NLRP2: variants seen among roughly 807,000 people sequenced by gnomAD.
NLRP2 encodes the protein NLR family pyrin domain containing 2, also known as NACHT, LRR and PYD domains-containing protein 2.
In NLRP2, 107 loss-of-function variants were observed where a neutral mutation model predicts 97.2. That is an observed-to-expected ratio of 1.10 (90% CI 0.94 to 1.29). NLRP2 has a LOEUF of 1.29. NLRP2 is among the 50% of genes most tolerant of loss of function. NLRP2 has a pLI of 0.00. For missense variants in NLRP2, 1,495 were observed against 1,330.3 expected, an observed-to-expected ratio of 1.12 and a Z score of -1.93; for synonymous variants, 663 against 551.5, an observed-to-expected ratio of 1.20 and a Z score of -2.83.
intron 3 of NLRP2, among the ~76,000 whole-genome samples, chr19:54,975,955 C>G (rs1474698829): frequency 2.6e-5 from 4 of 151,494 alleles, no homozygotes; most frequent in Non-Finnish European, 5.9e-5. Context: ...CACTATGTTG[C>G]CAGATATGGT....
chr19:54,967,970 G>A (rs1330315982), intron 1 of NLRP2, among the ~76,000 whole-genome samples: 2 of 146,686 alleles, frequency 1.4e-5, no homozygotes, highest in Non-Finnish European at 1.5e-5. Flanking sequence ...CCAGGCTGGA[G>A]TACAGTGGCG....
chr19:55,000,487 C>G (rs189211591), intron 12 of NLRP2, among the ~76,000 whole-genome samples: 2 of 150,610 alleles, frequency 1.3e-5, no homozygotes, highest in African/African-American at 4.9e-5. Flanking sequence ...ACCGTGTTAG[C>G]CAGGATGGTC....
chr19:54,986,734 G>A (rs2072116895), intron 8 of NLRP2, among the ~76,000 whole-genome samples: 1 of 151,830 alleles, frequency 6.6e-6, no homozygotes, highest in Non-Finnish European at 1.5e-5. Flanking sequence ...TGCATTTAGT[G>A]GAGCTGGTTT....
chr19:55,001,032 A>G lies in NLRP2; in HGVS notation c.*134A>G, dbSNP rs751635181. The stretch of plus-strand genomic sequence containing the variant: ...CATTGCTGGGCTAGATGTTTTAGCC[A>G]TGATTCTGCCTCTGTTTTATACCTG... On this transcript the variant is annotated 3_prime_UTR_variant, in exon 13 of 13. Coordinates refer to ENST00000448584, the MANE Select transcript of NLRP2 (RefSeq NM_017852.5). 2 of 772,398 alleles carry G rather than the reference A, an allele frequency of 2.6e-6. No individual in the cohort carries two copies. Among genetic ancestry groups the G allele is most frequent in the Non-Finnish European group, 4.4e-6 (2 of 451,278 alleles). 47.8% of individuals were successfully genotyped at this position (772,398 alleles called of 1,614,324 possible). A position where few individuals can be genotyped will look rare whatever the true frequency, so the allele number is the denominator to read the frequency against.
intron 2 of NLRP2, 80 bp downstream of exon 2, chr19:54,970,375 G>T (rs2070769449): frequency 1.3e-6 from 2 of 1,544,094 alleles, no homozygotes; most frequent in African/African-American, 2.7e-5. Context: ...AGAAGGCCAG[G>T]CGCGCTGGCT....
chr19:54,983,061 G>C lies in NLRP2; in HGVS notation c.1363G>C (p.Ala455Pro), dbSNP rs200762489. 1 of 1,611,980 alleles carries C rather than the reference G, an allele frequency of 6.2e-7. No individual in the cohort carries two copies. Among genetic ancestry groups the C allele is most frequent in the Non-Finnish European group, 8.5e-7 (1 of 1,179,576 alleles). ...GALRTLSLLA[A>P]QGLWAQTSVL... Reference sequence around the variant, plus strand: ...GCTGCGGACGCTGAGCCTCCTGGCCGCGCAGGGCCTGTGGGCGCAGACGTC... The same window carrying C: ...GCTGCGGACGCTGAGCCTCCTGGCCCCGCAGGGCCTGTGGGCGCAGACGTC... The change falls in exon 6 of 13, where the codon GCG becomes CCG. Residue 455 changes from alanine (A) to proline (P), a missense_variant. Coordinates refer to ENST00000448584, the MANE Select transcript of NLRP2 (RefSeq NM_017852.5).
intron 3 of NLRP2, chr19:54,976,869 C>T (rs1207745567): frequency 2.6e-6 from 1 of 390,902 alleles, no homozygotes; most frequent in Non-Finnish European, 4.8e-6. Flanking sequence ...GGCTGAAGTG[C>T]AGTGGAGCGA....
intron 6 of NLRP2, among the ~76,000 whole-genome samples, chr19:54,984,500 T>TTTTTTTTTTTTTTA (rs764786892): frequency 1.5e-5 from 2 of 132,852 alleles, no homozygotes; most frequent in South Asian, 2.3e-4. Context: ...TTTTTTTTTT[T>TTTTTTTTTTTTTTA]GAGACGGAGT....
chr19:54,973,196 A>ATT lies in NLRP2; in HGVS notation c.281-1304_281-1303insTT, dbSNP rs1210435415. On this transcript the variant is annotated intron_variant, in intron 2 of 12. Coordinates refer to ENST00000448584, the MANE Select transcript of NLRP2 (RefSeq NM_017852.5). ...ACAGCAAGACTCCATCTCAAAAAAA[A>ATT]AAAACAAACAAACATGGTATTAATT... 2.0e-5 allele frequency among the ~76,000 whole-genome samples: 3 copies of ATT among 151,812 alleles called. No homozygotes were observed. In the East Asian group the frequency reaches 5.8e-4, roughly 29 times the overall value.
chr19:54,971,648 C>T (rs534956743), intron 2 of NLRP2, among the ~76,000 whole-genome samples: 30 of 151,800 alleles, frequency 2.0e-4, no homozygotes, highest in African/African-American at 5.1e-4. Flanking sequence ...TCATGTCGTT[C>T]GCCCACTTTT....
chr19:54,989,120 T>G (rs984792107), intron 8 of NLRP2, among the ~76,000 whole-genome samples: 1 of 151,240 alleles, frequency 6.6e-6, no homozygotes, highest in African/African-American at 2.4e-5. Context: ...GCCACGCCCA[T>G]CTAACTTTTG....
At chr19:54,975,973 T>C (rs1187848364) in intron 3 of NLRP2, among the ~76,000 whole-genome samples, 2 of 151,764 alleles carry the variant, frequency 1.3e-5, no homozygotes, top group Non-Finnish European at 2.9e-5. Context: ...GGTGTCAAAC[T>C]CCTGGTCTCA....
In NLRP2 at chr19:54,985,046, G is replaced by C; in HGVS notation, c.2031-1G>C. Reference sequence around the variant, plus strand: ...GTAACCCTTTCTTCTCTTCCCTATAGATCCCAGGATGATCAGCACATGCTT... The same window carrying C: ...GTAACCCTTTCTTCTCTTCCCTATACATCCCAGGATGATCAGCACATGCTT... On this transcript the variant is annotated splice_acceptor_variant, in intron 6 of 12. Transcript: ENST00000448584. LOFTEE classifies it high-confidence loss of function. 1 of 1,613,954 alleles carries C rather than the reference G, an allele frequency of 6.2e-7. No homozygotes were observed. The highest frequency in any genetic ancestry group is 1.3e-5 in the African/African-American group (1 of 75,018).
intron 11 of NLRP2, among the ~76,000 whole-genome samples, chr19:54,996,130 C>T (rs923049729): frequency 1.3e-5 from 2 of 151,706 alleles, no homozygotes; most frequent in African/African-American, 4.8e-5. Flanking sequence ...GCTGGTTGGC[C>T]CAGGAGGTCA....
intron 4 of NLRP2, among the ~76,000 whole-genome samples, chr19:54,978,646 G>A (rs1406365713): frequency 1.3e-5 from 2 of 151,814 alleles, no homozygotes; most frequent in South Asian, 2.1e-4. Context: ...TCAAGAGATC[G>A]AGACCATCCT....
At chr19:55,000,307 T>TTTTTTTTTC (rs2073109060) in intron 12 of NLRP2, among the ~76,000 whole-genome samples, 1 of 101,752 alleles carries the variant, frequency 9.8e-6, no homozygotes, top group Non-Finnish European at 2.0e-5. Flanking sequence ...TTTTTTTTTT[T>TTTTTTTTTC]TTGAGATCGC....
chr19:54,973,720 ACGG>A (rs1364799727), intron 2 of NLRP2: 1 of 421,684 alleles, frequency 2.4e-6, no homozygotes, highest in Non-Finnish European at 4.6e-6. Flanking sequence ...AAGTTTGAAA[ACGG>A]CAGGAGGAAA....
At chr19:54,977,080 T>C in intron 3 of NLRP2, 1 of 295,930 alleles carries the variant, frequency 3.4e-6, no homozygotes, top group South Asian at 2.8e-5. Flanking sequence ...CCCAAAGTGT[T>C]GGGTTACAGG....
At chr19:54,975,576 C>T (rs867586783) in intron 3 of NLRP2, among the ~76,000 whole-genome samples, 9 of 148,352 alleles carry the variant, frequency 6.1e-5, no homozygotes, top group African/African-American at 2.0e-4. Context: ...CTCAGCCTCC[C>T]GAGTAGCTGG....
Sources: allele counts gnomAD v4.1 joint callset (sites outside exome capture counted in the v4.1 genomes callset), GRCh38; gene constraint gnomAD v4.1.1; transcripts MANE v1.5; gene names NCBI Gene and HGNC (gene_info 2026-07-23, HGNC 2026-07-21).